SLC24A2: variants seen among roughly 807,000 people sequenced by gnomAD.
SLC24A2 encodes sodium/potassium/calcium exchanger 2.
In SLC24A2, 36 loss-of-function variants were observed where a neutral mutation model predicts 62.0. That is an observed-to-expected ratio of 0.58 (90% CI 0.44 to 0.77). SLC24A2 has a LOEUF of 0.77. Ranked by LOEUF, SLC24A2 falls within the 30% of genes least tolerant of loss-of-function variation. The pLI is 0.00. For missense variants in SLC24A2, 846 were observed against 817.9 expected (o/e 1.03, Z -0.42); for synonymous variants, 358 against 294.0 (o/e 1.22, Z -2.23).
At chr9:20,152,774 T>C in the SLC24A2 span, among the ~76,000 whole-genome samples, 1 of 151,846 alleles carries the variant, frequency 6.6e-6, no homozygotes, top group Non-Finnish European at 1.5e-5. Context: ...TCCTCCTTCC[T>C]CTTCCCTGAA....
chr9:20,221,817 G>A, the SLC24A2 span, among the ~76,000 whole-genome samples: 3 of 151,966 alleles, frequency 2.0e-5, no homozygotes, highest in Non-Finnish European at 2.9e-5. Flanking sequence ...GCAATTTCAT[G>A]TCCAGTCTTT....
intron 5 of SLC24A2, among the ~76,000 whole-genome samples, chr9:19,595,495 A>G (rs1836680911): frequency 6.6e-6 from 1 of 152,184 alleles, no homozygotes; most frequent in South Asian, 2.1e-4. Flanking sequence ...GCCCCCAAAC[A>G]CAATTTGACA....
the SLC24A2 span, among the ~76,000 whole-genome samples, chr9:19,915,622 G>A: frequency 6.6e-6 from 1 of 152,044 alleles, no homozygotes; most frequent in South Asian, 2.1e-4. Context: ...TTATGATGAT[G>A]ATAGTAGTTC....
chr9:19,827,322 T>C, the SLC24A2 span, among the ~76,000 whole-genome samples: 1 of 152,176 alleles, frequency 6.6e-6, no homozygotes, highest in African/African-American at 2.4e-5. Context: ...TGTGTCAGTG[T>C]AGACGCAAGA....
At chr9:19,899,495 C>T in the SLC24A2 span, among the ~76,000 whole-genome samples, 1 of 152,132 alleles carries the variant, frequency 6.6e-6, no homozygotes, top group South Asian at 2.1e-4. Flanking sequence ...CCTTGGTCCT[C>T]AGCTTCTTCC....
the SLC24A2 span, among the ~76,000 whole-genome samples, chr9:19,866,024 T>TAA: frequency 1.3e-5 from 2 of 152,128 alleles, no homozygotes; most frequent in Non-Finnish European, 2.9e-5. Flanking sequence ...TAATCCAATT[T>TAA]AAAAATGGGC....
intron 2 of SLC24A2, among the ~76,000 whole-genome samples, chr9:19,730,375 T>C (rs1821299995): frequency 1.3e-5 from 2 of 152,190 alleles, no homozygotes; most frequent in African/African-American, 4.8e-5. Flanking sequence ...CATAAATATA[T>C]GATAATTATT....
chr9:19,966,313 G>A, the SLC24A2 span, among the ~76,000 whole-genome samples: 1 of 152,124 alleles, frequency 6.6e-6, no homozygotes, highest in African/African-American at 2.4e-5. Flanking sequence ...TTGGAACTCC[G>A]TGTGTGCATG....
chr9:19,822,668 CT>C, the SLC24A2 span, among the ~76,000 whole-genome samples: 16 of 152,108 alleles, frequency 1.1e-4, no homozygotes, highest in African/African-American at 3.4e-4. Flanking sequence ...CTACAGCCCA[CT>C]TTGCAATGTC....
Position 19,556,687 on chromosome 9 carries a change from C to A in SLC24A2, c.1348-6419G>T, listed in dbSNP as rs190804252. On this transcript the variant is annotated intron_variant, in intron 7 of 10. Coordinates refer to ENST00000341998, the MANE Select transcript of SLC24A2 (RefSeq NM_020344.4). ...AGTGCTACCTCTTATCATTGGGAAG[C>A]CTGTTCAGTGTGGAATGATGCTGGG... 3.9e-5 allele frequency among the ~76,000 whole-genome samples: 6 copies of A among 152,206 alleles called. 1 individual carries two copies. The Middle Eastern group carries it at 0.01, about 259-fold the overall frequency.
the SLC24A2 span, among the ~76,000 whole-genome samples, chr9:19,818,458 A>G: frequency 6.6e-6 from 1 of 152,150 alleles, no homozygotes; most frequent in Non-Finnish European, 1.5e-5. Flanking sequence ...AAAACCCTAA[A>G]GACTCCCCCA....
the SLC24A2 span, among the ~76,000 whole-genome samples, chr9:19,920,895 C>A: frequency 2.0e-5 from 3 of 152,096 alleles, no homozygotes; most frequent in South Asian, 2.1e-4. Flanking sequence ...ACCAGATCTG[C>A]TCCTGTTTGT....
chr9:20,235,137 C>G, the SLC24A2 span, among the ~76,000 whole-genome samples: 1 of 152,226 alleles, frequency 6.6e-6, no homozygotes, highest in Non-Finnish European at 1.5e-5. Flanking sequence ...TCCGCCCCTA[C>G]TGGGGGGTGC....
At chr9:20,096,873 T>C in the SLC24A2 span, among the ~76,000 whole-genome samples, 1 of 152,218 alleles carries the variant, frequency 6.6e-6, no homozygotes, top group Non-Finnish European at 1.5e-5. Flanking sequence ...TGAGGTAATT[T>C]TGGCTCTGTT....
chr9:19,817,043 A>T, the SLC24A2 span, among the ~76,000 whole-genome samples: 1 of 152,192 alleles, frequency 6.6e-6, no homozygotes, highest in African/African-American at 2.4e-5. Context: ...AATTGTTTGA[A>T]GTAGTTTGTG....
chr9:19,774,983 C>T (rs955643844), intron 2 of SLC24A2, among the ~76,000 whole-genome samples: 1 of 152,132 alleles, frequency 6.6e-6, no homozygotes, highest in African/African-American at 2.4e-5. Context: ...TAAACTAGTC[C>T]TTTCATTTTC....
At chr9:20,200,516 T>C in the SLC24A2 span, among the ~76,000 whole-genome samples, 3 of 152,236 alleles carry the variant, frequency 2.0e-5, no homozygotes, top group African/African-American at 7.2e-5. Context: ...TCCAACTCCG[T>C]GTAACGGAAA....
the SLC24A2 span, among the ~76,000 whole-genome samples, chr9:20,256,240 G>T: frequency 1.3e-5 from 2 of 152,290 alleles, no homozygotes. Flanking sequence ...CATAGTATTT[G>T]CTAGGGTAGT....
chr9:19,820,227 C>T, the SLC24A2 span, among the ~76,000 whole-genome samples: 1 of 149,452 alleles, frequency 6.7e-6, no homozygotes, highest in Non-Finnish European at 1.5e-5. Flanking sequence ...ATGTGGAAAG[C>T]TAAGCTGTGA....
Sources: allele counts gnomAD v4.1 joint callset (sites outside exome capture counted in the v4.1 genomes callset), GRCh38; gene constraint gnomAD v4.1.1; transcripts MANE v1.5; gene names NCBI Gene and HGNC (gene_info 2026-07-23, HGNC 2026-07-21).